Variants in PSPH observed in about 807,000 individuals in gnomAD.
The protein encoded by PSPH is L-3-phosphoserine phosphatase.
PSPH carries 16 observed loss-of-function variants against 23.4 expected under a neutral mutation model. That is an observed-to-expected ratio of 0.68 (90% CI 0.46 to 1.04). The LOEUF (loss-of-function observed/expected upper bound fraction) is 1.04, where lower values mean the gene tolerates loss of function less well. Among genes scored for constraint, PSPH ranks in the 50% least tolerant of loss-of-function variants. PSPH has a pLI of 0.00. For missense variants in PSPH, 223 were observed against 273.7 expected (o/e 0.81, Z 1.31); for synonymous variants, 68 against 99.7 (o/e 0.68, Z 1.89).
intron 1 of PSPH, among the ~76,000 whole-genome samples, chr7:56,046,778 A>G (rs1163227054): frequency 2.8e-5 from 4 of 141,396 alleles, no homozygotes; most frequent in Admixed American, 1.5e-4. Flanking sequence ...AGTGAGAATG[A>G]GCAGAGTGAG....
At chr7:56,039,824 C>T (rs960025550) in intron 1 of PSPH, among the ~76,000 whole-genome samples, 26 of 147,394 alleles carry the variant, frequency 1.8e-4, no homozygotes, top group African/African-American at 6.3e-4. Flanking sequence ...TATGGCTGGG[C>T]GCAGTAGCTC....
intron 2 of PSPH, among the ~76,000 whole-genome samples, chr7:56,032,719 G>C (rs1356837196): frequency 3.9e-5 from 6 of 152,030 alleles, no homozygotes; most frequent in Non-Finnish European, 5.9e-5. Flanking sequence ...GGGAGGCCGA[G>C]GAGGGAGGAC....
At chr7:56,013,335 T>C (rs1788186029) in intron 7 of PSPH, among the ~76,000 whole-genome samples, 1 of 151,726 alleles carries the variant, frequency 6.6e-6, no homozygotes, top group African/African-American at 2.4e-5. Context: ...CTGGGCAACA[T>C]AGTGAGACCT....
At chr7:56,039,798 A>ATT (rs1562824159) in intron 1 of PSPH, among the ~76,000 whole-genome samples, 10 of 148,354 alleles carry the variant, frequency 6.7e-5, no homozygotes, top group African/African-American at 2.5e-4. Flanking sequence ...AAAAAATTAA[A>ATT]AAAAAAAAAA....
intron 1 of PSPH, among the ~76,000 whole-genome samples, chr7:56,050,562 T>C (rs1793892449): frequency 6.6e-6 from 1 of 152,238 alleles, no homozygotes; most frequent in East Asian, 1.9e-4. Flanking sequence ...CACCCAGCCC[T>C]GGCCCCTAGT....
chr7:56,027,003 C>T (rs916075366), intron 3 of PSPH, among the ~76,000 whole-genome samples: 2 of 150,366 alleles, frequency 1.3e-5, no homozygotes, highest in East Asian at 2.0e-4. Context: ...GTTGGGAGTT[C>T]GAGACCAGCC....
intron 1 of PSPH, among the ~76,000 whole-genome samples, chr7:56,047,219 A>C (rs1358716873): frequency 2.6e-5 from 4 of 151,148 alleles, no homozygotes; most frequent in African/African-American, 9.7e-5. Flanking sequence ...CCTTCTCTCT[A>C]CAAAAAAAAA....
intron 1 of PSPH, among the ~76,000 whole-genome samples, chr7:56,049,596 G>A (rs577080271): frequency 1.4e-4 from 21 of 152,008 alleles, no homozygotes; most frequent in African/African-American, 4.8e-4. Context: ...CCGCCACCAT[G>A]CCCAGCTAAT....
chr7:56,039,486 A>C (rs1199144361), intron 1 of PSPH, among the ~76,000 whole-genome samples: 1 of 152,110 alleles, frequency 6.6e-6, no homozygotes, highest in African/African-American at 2.4e-5. Flanking sequence ...TTAAATACCA[A>C]TACATTGCTG....
chr7:56,041,413 A>G lies in PSPH; in HGVS notation c.-291-7307T>C, dbSNP rs1368660851. On this transcript the variant is annotated intron_variant, in intron 1 of 7. Transcript: ENST00000275605. Reference sequence around the variant, plus strand: ...TTTTTAGTAGAGATGGGGTTTCACCATGTTGGCCAGGATGGTCTCGATCTC... The same window carrying G: ...TTTTTAGTAGAGATGGGGTTTCACCGTGTTGGCCAGGATGGTCTCGATCTC... Among the ~76,000 whole-genome samples the G allele has an allele frequency of 2.0e-5, 3 of 151,552 alleles. No homozygotes were observed. In the East Asian group the frequency reaches 5.9e-4, roughly 30 times the overall value.
chr7:56,024,325 T>C (rs1037080635), intron 3 of PSPH, among the ~76,000 whole-genome samples: 2 of 150,452 alleles, frequency 1.3e-5, no homozygotes, highest in Admixed American at 6.7e-5. Flanking sequence ...GAACCTTCCA[T>C]CATGGCCTCT....
At chr7:56,042,059 C>T (rs1240384485) in intron 1 of PSPH, among the ~76,000 whole-genome samples, 1 of 151,786 alleles carries the variant, frequency 6.6e-6, no homozygotes, top group Non-Finnish European at 1.5e-5. Flanking sequence ...CTCGTCTCTA[C>T]TAAAACTACA....
intron 4 of PSPH, 129 bp from the exon 5 acceptor site, chr7:56,019,863 C>T (rs1378058441): frequency 2.4e-6 from 3 of 1,230,536 alleles, no homozygotes; most frequent in South Asian, 2.5e-5. Context: ...GTGCAACAGA[C>T]AGGCTTTGCT....
chr7:56,017,188 C>T (rs768095181), intron 6 of PSPH, 46 bp downstream of exon 6: 7 of 1,612,670 alleles, frequency 4.3e-6, no homozygotes, highest in Admixed American at 1.7e-5. Flanking sequence ...GAATACTGAA[C>T]AATGGAACTG....
At position 56,017,337 on chromosome 7, in the gene PSPH, G is replaced by A; in HGVS notation, c.318C>T (p.Phe106=). 1.3e-6 allele frequency: 2 copies of A among 1,488,690 alleles called. No homozygotes were observed. Among genetic ancestry groups the A allele is most frequent in the Non-Finnish European group, 1.8e-6 (2 of 1,102,028 alleles). The allele number at this position is 1,488,690 out of a possible 1,614,324, so 92.2% of individuals were successfully genotyped here. ...TACTCCTAAAGCCACCAGATATTAG[G>A]AAAACCTGAACATTTCGCTCCTGTA... is the stretch of plus-strand genomic sequence containing the variant. The part of the protein sequence containing the change: ...SRLQERNVQV[F]LISGGFRSIV... The change falls in exon 6 of 8, where the codon TTC becomes TTT. Residue 106 remains phenylalanine (F), a synonymous_variant. Coordinates refer to ENST00000275605, the MANE Select transcript of PSPH (RefSeq NM_004577.4).
intron 1 of PSPH, among the ~76,000 whole-genome samples, chr7:56,045,899 A>AG (rs1793170000): frequency 6.6e-6 from 1 of 151,382 alleles, no homozygotes; most frequent in Non-Finnish European, 1.5e-5. Context: ...AAAAAAAAAA[A>AG]AAAAAGAAAG....
chr7:56,038,704 C>T (rs6965614), intron 1 of PSPH, among the ~76,000 whole-genome samples: 26,604 of 151,590 alleles, frequency 0.18, 2,619 homozygotes, highest in Admixed American at 0.24. Context: ...GACGTGCACA[C>T]ACCTCGAGGC....
chr7:56,046,075 T>C (rs1191361104), intron 1 of PSPH, among the ~76,000 whole-genome samples: 1 of 152,042 alleles, frequency 6.6e-6, no homozygotes, highest in South Asian at 2.1e-4. Context: ...GGATCACAGC[T>C]AAGGAACACT....
chr7:56,035,104 G>A (rs1791561631), intron 1 of PSPH, among the ~76,000 whole-genome samples: 1 of 152,078 alleles, frequency 6.6e-6, no homozygotes, highest in South Asian at 2.1e-4. Flanking sequence ...ACTTTGGGAG[G>A]CTGAGGCAAG....
Sources: gnomAD v4.1 joint callset for allele counts (sites outside exome capture counted in the v4.1 genomes callset) on GRCh38, gnomAD v4.1.1 for gene constraint, MANE v1.5 for transcripts, NCBI Gene and HGNC (gene_info 2026-07-23, HGNC 2026-07-21) for gene names.